The following PSG9 variants were observed in gnomAD, a reference collection of about 807,000 sequenced individuals.
PSG9 encodes pregnancy-specific beta-1-glycoprotein 9.
PSG9 carries 49 observed loss-of-function variants against 41.9 expected under a neutral mutation model. The observed-to-expected ratio is 1.17, with a 90% CI of 0.93 to 1.48. The LOEUF (loss-of-function observed/expected upper bound fraction) is 1.48, where lower values mean the gene tolerates loss of function less well. PSG9 is among the 40% of genes most tolerant of loss of function. The pLI, the probability that PSG9 is intolerant of heterozygous loss-of-function variation, is 0.00. For missense variants in PSG9, 641 were observed against 520.3 expected (o/e 1.23, Z -2.26); for synonymous variants, 263 against 196.8 (o/e 1.34, Z -2.82).
intron 2 of PSG9, among the ~76,000 whole-genome samples, chr19:43,263,150 G>A (rs566587514): frequency 6.6e-6 from 1 of 152,256 alleles, no homozygotes; most frequent in South Asian, 2.1e-4. Flanking sequence ...GGATTCCAGA[G>A]TGAATCAGAA....
chr19:43,264,667 C>T (rs533510607), intron 2 of PSG9, among the ~76,000 whole-genome samples: 1 of 152,240 alleles, frequency 6.6e-6, no homozygotes, highest in African/African-American at 2.4e-5. Context: ...CCCTGTTAGC[C>T]AGGATTGTCT....
At chr19:43,262,983 T>C (rs1300374357) in intron 2 of PSG9, among the ~76,000 whole-genome samples, 1 of 152,154 alleles carries the variant, frequency 6.6e-6, no homozygotes, top group African/African-American at 2.4e-5. Context: ...GTGGAAAGGG[T>C]GAACATGAAC....
At chr19:43,267,759 C>T (rs769537852) in intron 2 of PSG9, 25 bp downstream of exon 2, 1 of 1,612,554 alleles carries the variant, frequency 6.2e-7, no homozygotes, top group Non-Finnish European at 8.5e-7. Flanking sequence ...CCCCCAACAC[C>T]CAGGGATCAT....
At chr19:43,263,931 T>C (rs1430414347) in intron 2 of PSG9, among the ~76,000 whole-genome samples, 6 of 152,182 alleles carry the variant, frequency 3.9e-5, no homozygotes, top group Non-Finnish European at 8.8e-5. Context: ...TTCTAATTTC[T>C]GTGCAGAATT....
At chr19:43,267,466 C>A (rs1199520485) in intron 2 of PSG9, among the ~76,000 whole-genome samples, 6 of 152,120 alleles carry the variant, frequency 3.9e-5, no homozygotes, top group Non-Finnish European at 8.8e-5. Context: ...CTACTCAGTT[C>A]TCCAGGGTCT....
chr19:43,269,340 G>C (rs1969138862), intron 1 of PSG9, 28 bp downstream of exon 1: 1 of 1,612,912 alleles, frequency 6.2e-7, no homozygotes, highest in East Asian at 2.2e-5. Flanking sequence ...TCCTCCCCCT[G>C]TCCTCTCCCA....
chr19:43,261,755 G>A (rs1599829256), intron 3 of PSG9, 105 bp downstream of exon 3: 3 of 1,612,364 alleles, frequency 1.9e-6, no homozygotes, highest in East Asian at 2.2e-5. Context: ...ATGTCTAGGG[G>A]TAAAGGTCTC....
rs4028447 is a variant in PSG9 at position 43,259,196 on chromosome 19, A to C, written c.710-61T>G. 906 of 1,558,546 alleles carry C rather than the reference A, an allele frequency of 5.8e-4. 59 individuals carry two copies. Among genetic ancestry groups the C allele is most frequent in the South Asian group, 2.4e-3 (202 of 84,850 alleles). Reference sequence around the variant, plus strand: ...GCACCTTTGATTCCTCCACAGGCATACTTCAATCAGAGTTGGCATCTCCCA... The same window carrying C: ...GCACCTTTGATTCCTCCACAGGCATCCTTCAATCAGAGTTGGCATCTCCCA... On this transcript the variant is annotated intron_variant, in intron 3 of 5. Coordinates refer to ENST00000270077, the MANE Select transcript of PSG9 (RefSeq NM_002784.5).
chr19:43,255,905 A>G (rs1166777882), intron 5 of PSG9, among the ~76,000 whole-genome samples: 1 of 146,662 alleles, frequency 6.8e-6, no homozygotes, highest in Non-Finnish European at 1.5e-5. Flanking sequence ...GGAAGACTCA[A>G]TATTGTTAGG....
chr19:43,255,121 GAA>G (rs1968401732), intron 5 of PSG9, among the ~76,000 whole-genome samples: 1 of 77,538 alleles, frequency 1.3e-5, no homozygotes, highest in African/African-American at 4.8e-5. Context: ...AAAAAAAAAA[GAA>G]AGAAAGAAAG....
At position 43,255,859 on chromosome 19, in the gene PSG9, AT is replaced by A. The variant is rs1329384577; in HGVS notation, c.1244-2214del. On this transcript the variant is annotated intron_variant, in intron 5 of 5. Coordinates refer to ENST00000270077, the MANE Select transcript of PSG9 (RefSeq NM_002784.5). Reference sequence around the variant, plus strand: ...ATTGCTGAAAGAAATGAAAGATGACATCAATAAATTGAAAGACATTTTGTTT... The same window carrying A: ...ATTGCTGAAAGAAATGAAAGATGACACAATAAATTGAAAGACATTTTGTTT... 1.5e-4 allele frequency among the ~76,000 whole-genome samples: 22 copies of A among 146,922 alleles called. 5 individuals are homozygous for A. The highest frequency in any genetic ancestry group is 5.4e-4 in the African/African-American group (21 of 38,840).
At chr19:43,257,850 A>G in intron 5 of PSG9, 1 of 1,378,012 alleles carries the variant, frequency 7.3e-7, no homozygotes, top group South Asian at 2.0e-5. Context: ...AGGTACAAGA[A>G]AAAAAAGACG....
At chr19:43,269,234 G>C in intron 1 of PSG9, 134 bp downstream of exon 1, 1 of 1,459,310 alleles carries the variant, frequency 6.9e-7, no homozygotes, top group South Asian at 1.2e-5. Context: ...TTGAACTCCT[G>C]ATCTCGTGAT....
At chr19:43,257,399 C>T in intron 5 of PSG9, 1 of 976,784 alleles carries the variant, frequency 1.0e-6, no homozygotes, top group Non-Finnish European at 1.2e-6. Flanking sequence ...GGCACTGCCC[C>T]TTTCCTGCCA....
chr19:43,265,654 G>A (rs1486687381), intron 2 of PSG9, among the ~76,000 whole-genome samples: 1 of 152,104 alleles, frequency 6.6e-6, no homozygotes, highest in Admixed American at 6.5e-5. Context: ...CTGTTTGGCA[G>A]ACTTGGAGTC....
Position 43,268,085 on chromosome 19 carries a change from G to T in PSG9, c.129C>A (p.Pro43=), listed in dbSNP as rs749394369. Residue 43 remains proline (P), a synonymous_variant, in exon 2 of 6, where the codon CCC becomes CCA. Transcript: ENST00000270077. ...GAACATCCTTCCCCTCAGAAACTTT[G>T]GGTGGCTGGGCTTCAATCGTGACTT... is the stretch of plus-strand genomic sequence containing the variant. The part of the protein sequence containing the change: ...TAEVTIEAQP[P]KVSEGKDVLL... The T allele has an allele frequency of 6.2e-7, 1 of 1,613,582 alleles. No individual in the cohort carries two copies. The highest frequency in any genetic ancestry group is 2.2e-5 in the East Asian group (1 of 44,844).
chr19:43,260,208 T>A (rs1478451485), intron 3 of PSG9: 1 of 147,364 alleles, frequency 6.8e-6, no homozygotes, highest in Non-Finnish European at 1.5e-5. Flanking sequence ...AAATTGTTCA[T>A]GGGTGTGCAG....
intron 1 of PSG9, 35 bp downstream of exon 1, chr19:43,269,333 T>C: frequency 6.2e-7 from 1 of 1,612,538 alleles, no homozygotes. Context: ...CTCCGCTTCC[T>C]CCCCCTGTCC....
intron 2 of PSG9, among the ~76,000 whole-genome samples, chr19:43,264,293 T>C (rs995636715): frequency 1.1e-4 from 16 of 152,172 alleles, no homozygotes; most frequent in African/African-American, 3.6e-4. Context: ...AACAAAATAT[T>C]AAATATGAAG....
Sources: gnomAD v4.1 joint callset for allele counts (sites outside exome capture counted in the v4.1 genomes callset) on GRCh38, gnomAD v4.1.1 for gene constraint, MANE v1.5 for transcripts, NCBI Gene and HGNC (gene_info 2026-07-23, HGNC 2026-07-21) for gene names.